ERG: variants seen among roughly 807,000 people sequenced by gnomAD.
ERG encodes the protein transcriptional regulator ERG.
A neutral mutation model predicts 55.3 loss-of-function variants in ERG; 9 were observed. That is an observed-to-expected ratio of 0.16 (90% CI 0.10 to 0.28). The LOEUF is 0.28. Among genes scored for constraint, ERG ranks in the 10% least tolerant of loss-of-function variants. The pLI is 1.00. For synonymous variants in ERG, 223 were observed against 237.3 expected (o/e 0.94, Z 0.55); for missense variants, 434 against 631.6 (o/e 0.69, Z 3.35).
intron 1 of ERG, among the ~76,000 whole-genome samples, chr21:38,495,188 T>A (rs1294304567): frequency 6.6e-6 from 1 of 152,226 alleles, no homozygotes; most frequent in East Asian, 1.9e-4. Flanking sequence ...TAACTCTTAG[T>A]CTTAATTAAG....
intron 2 of ERG, among the ~76,000 whole-genome samples, chr21:38,505,826 T>C (rs1430891456): frequency 6.6e-6 from 1 of 152,190 alleles, no homozygotes; most frequent in Non-Finnish European, 1.5e-5. Context: ...ACATGAGTCG[T>C]GCAGGGAAGT....
chr21:38,578,865 CT>C (rs751335596), intron 1 of ERG, among the ~76,000 whole-genome samples: 3 of 152,152 alleles, frequency 2.0e-5, no homozygotes, highest in Non-Finnish European at 2.9e-5. Context: ...CTGACATACA[CT>C]TTGCAATGTA....
intron 1 of ERG, among the ~76,000 whole-genome samples, chr21:38,584,228 C>T (rs938892954): frequency 1.3e-5 from 2 of 152,216 alleles, no homozygotes; most frequent in Non-Finnish European, 2.9e-5. Flanking sequence ...ACCTTGATCC[C>T]TGCGGTGCTT....
At chr21:38,373,963 A>G in the ERG span, among the ~76,000 whole-genome samples, 2 of 152,292 alleles carry the variant, frequency 1.3e-5, no homozygotes, top group African/African-American at 4.8e-5. Context: ...ATCCTCAAAT[A>G]TGCTTTTACA....
intron 2 of ERG, among the ~76,000 whole-genome samples, chr21:38,508,687 A>G (rs935305725): frequency 6.6e-6 from 1 of 152,232 alleles, no homozygotes; most frequent in African/African-American, 2.4e-5. Flanking sequence ...CATTTGCCAT[A>G]CCACCATGGC....
chr21:38,409,891 TA>T (rs1285151226), intron 3 of ERG, among the ~76,000 whole-genome samples: 1 of 152,246 alleles, frequency 6.6e-6, no homozygotes, highest in Non-Finnish European at 1.5e-5. Flanking sequence ...TTAAAAATCT[TA>T]AATAACACCA....
At chr21:38,456,352 T>C (rs1199650471) in intron 1 of ERG, among the ~76,000 whole-genome samples, 1 of 152,196 alleles carries the variant, frequency 6.6e-6, no homozygotes, top group African/African-American at 2.4e-5. Flanking sequence ...TAGTGTTATG[T>C]TTTTAAGTGT....
intron 2 of ERG, among the ~76,000 whole-genome samples, chr21:38,545,369 G>A (rs929292249): frequency 1.3e-5 from 2 of 151,986 alleles, no homozygotes; most frequent in African/African-American, 2.4e-5. Flanking sequence ...ACGCTCCCTT[G>A]CTCCCAAATC....
intron 2 of ERG, among the ~76,000 whole-genome samples, chr21:38,541,325 T>C (rs961001310): frequency 1.3e-5 from 2 of 152,194 alleles, no homozygotes; most frequent in East Asian, 3.9e-4. Flanking sequence ...TCAATTATCT[T>C]GGTAATCCAG....
At chr21:38,558,455 T>G (rs1186026945) in intron 2 of ERG, among the ~76,000 whole-genome samples, 1 of 152,230 alleles carries the variant, frequency 6.6e-6, no homozygotes, top group South Asian at 2.1e-4. Flanking sequence ...AAGGTCCTTG[T>G]CAGCATTCTA....
intron 1 of ERG, among the ~76,000 whole-genome samples, chr21:38,616,500 C>T (rs2060259983): frequency 6.6e-6 from 1 of 151,984 alleles, no homozygotes; most frequent in African/African-American, 2.4e-5. Flanking sequence ...GACATTAGAG[C>T]ATGGACTGTT....
chr21:38,644,039 G>A (rs1446594075), intron 1 of ERG, among the ~76,000 whole-genome samples: 2 of 152,180 alleles, frequency 1.3e-5, no homozygotes, highest in African/African-American at 2.4e-5. Flanking sequence ...AAACTTTAGT[G>A]GAGTTGGCTT....
At chr21:38,640,989 A>G (rs1195553090) in intron 1 of ERG, among the ~76,000 whole-genome samples, 12 of 152,254 alleles carry the variant, frequency 7.9e-5, no homozygotes, top group African/African-American at 2.4e-5. Flanking sequence ...GAACAGTGAT[A>G]AAACATGTAG....
chr21:38,657,787 CT>C (rs911910894), intron 1 of ERG, among the ~76,000 whole-genome samples: 1 of 152,094 alleles, frequency 6.6e-6, no homozygotes, highest in African/African-American at 2.4e-5. Context: ...TAACTGACCC[CT>C]AATAAGAGTG....
At chr21:38,423,263 C>T (rs938036031) in intron 3 of ERG, 147 bp downstream of exon 3, 26 of 714,234 alleles carry the variant, frequency 3.6e-5, no homozygotes, top group Non-Finnish European at 5.7e-5. Context: ...CATGCATAGA[C>T]CTCTGCCAGC....
chr21:38,397,327 T>C (rs12053730), intron 6 of ERG, among the ~76,000 whole-genome samples: 39,150 of 151,928 alleles, frequency 0.26, 5,820 homozygotes, highest in South Asian at 0.36. Context: ...GGGCTGGGCA[T>C]GGTGGTTCAC....
chr21:38,482,557 C>G (rs140678842), intron 1 of ERG, among the ~76,000 whole-genome samples: 63 of 152,142 alleles, frequency 4.1e-4, no homozygotes, highest in African/African-American at 1.5e-3. Context: ...TAAAGATACC[C>G]GCAGTGCCAT....
At chr21:38,446,479 G>A (rs767148694) in intron 1 of ERG, among the ~76,000 whole-genome samples, 22 of 152,250 alleles carry the variant, frequency 1.4e-4, no homozygotes, top group South Asian at 4.1e-4. Context: ...AATGAGCAAC[G>A]GCAAGTTTGG....
chr21:38,603,511 C>T (rs2060177286), intron 1 of ERG, among the ~76,000 whole-genome samples: 1 of 151,978 alleles, frequency 6.6e-6, no homozygotes, highest in South Asian at 2.1e-4. Flanking sequence ...TCATTCTTTG[C>T]AGTTCCTTGC....
Sources: gnomAD v4.1 joint callset for allele counts (sites outside exome capture counted in the v4.1 genomes callset) on GRCh38, gnomAD v4.1.1 for gene constraint, MANE v1.5 for transcripts, NCBI Gene and HGNC (gene_info 2026-07-23, HGNC 2026-07-21) for gene names.